Variants in GPHN observed in about 807,000 individuals in gnomAD.
GPHN encodes the protein gephyrin.
A neutral mutation model predicts 95.5 loss-of-function variants in GPHN; 17 were observed. That is an observed-to-expected ratio of 0.18 (90% CI 0.12 to 0.27). The LOEUF (loss-of-function observed/expected upper bound fraction) is 0.27, where lower values mean the gene tolerates loss of function less well. Ranked by LOEUF, GPHN falls within the 10% of genes least tolerant of loss-of-function variation. The probability of loss-of-function intolerance (pLI) is 1.00; values close to 1 mark genes in which losing one functional copy is unlikely to be tolerated. For synonymous variants in GPHN, 320 were observed against 322.5 expected (o/e 0.99, Z 0.08); for missense variants, 660 against 978.1 (o/e 0.67, Z 4.34).
Position 67,159,498 on chromosome 14 carries a change from T to C in GPHN, c.1910+10T>C, listed in dbSNP as rs923445051. 1 of 1,542,214 alleles carries C rather than the reference T, an allele frequency of 6.5e-7. No homozygotes were observed. Among genetic ancestry groups the C allele is most frequent in the Non-Finnish European group, 9.0e-7 (1 of 1,114,510 alleles). ...TTTTTATGAAACCAGGGTATGAAAA[T>C]CATCTTGTTATCTCATATATGGGGT... On this transcript the variant is annotated intron_variant, in intron 19 of 22. Coordinates refer to ENST00000478722, the MANE Select transcript of GPHN (RefSeq NM_020806.5).
At chr14:67,425,909 A>G in the GPHN span, among the ~76,000 whole-genome samples, 1 of 151,656 alleles carries the variant, frequency 6.6e-6, no homozygotes, top group Non-Finnish European at 1.5e-5. Flanking sequence ...TTGTCTCAAA[A>G]AAAAAATTTT....
At chr14:67,601,211 G>T in the GPHN span, among the ~76,000 whole-genome samples, 1 of 152,184 alleles carries the variant, frequency 6.6e-6, no homozygotes, top group African/African-American at 2.4e-5. Flanking sequence ...AGCCAGACAG[G>T]ACTGAAGGAG....
At chr14:67,339,975 G>A in the GPHN span, 2 of 148,216 alleles carry the variant, frequency 1.3e-5, no homozygotes, top group African/African-American at 2.5e-5. Context: ...GGTGACACAT[G>A]AGCCAAGATC....
chr14:66,631,757 T>A (rs1250632781), intron 1 of GPHN, among the ~76,000 whole-genome samples: 1 of 152,154 alleles, frequency 6.6e-6, no homozygotes, highest in Non-Finnish European at 1.5e-5. Flanking sequence ...TATTAGAAAC[T>A]AATTTTTATT....
intron 10 of GPHN, among the ~76,000 whole-genome samples, chr14:67,048,785 G>T (rs78066889): frequency 0.024 from 3,592 of 152,296 alleles, 44 homozygotes; most frequent in Middle Eastern, 0.034. Flanking sequence ...TGAATGCTAT[G>T]ATCTTCTCAG....
chr14:67,406,545 A>AG, the GPHN span, among the ~76,000 whole-genome samples: 3 of 152,148 alleles, frequency 2.0e-5, no homozygotes, highest in Non-Finnish European at 4.4e-5. Context: ...CAAGGTGGCA[A>AG]GGGCTTCAGG....
the GPHN span, among the ~76,000 whole-genome samples, chr14:67,572,651 G>T: frequency 6.6e-6 from 1 of 152,178 alleles, no homozygotes; most frequent in East Asian, 1.9e-4. Context: ...TCCAGGCATT[G>T]TCTCATTTGT....
intron 18 of GPHN, among the ~76,000 whole-genome samples, chr14:67,157,441 T>TA (rs2081661858): frequency 6.6e-6 from 1 of 152,162 alleles, no homozygotes; most frequent in South Asian, 2.1e-4. Context: ...GCTGAGAAGA[T>TA]GACTGAGACT....
intron 2 of GPHN, among the ~76,000 whole-genome samples, chr14:66,723,322 A>G (rs1048083562): frequency 6.6e-6 from 1 of 151,382 alleles, no homozygotes; most frequent in Non-Finnish European, 1.5e-5. Context: ...TATATTTATA[A>G]AAGGTTATAA....
intron 8 of GPHN, among the ~76,000 whole-genome samples, chr14:66,937,785 T>C (rs1291043711): frequency 6.6e-6 from 1 of 152,226 alleles, no homozygotes; most frequent in African/African-American, 2.4e-5. Context: ...CAGATTCTAT[T>C]AGGTTGTTAA....
chr14:67,650,450 T>G, the GPHN span: 1 of 453,824 alleles, frequency 2.2e-6, no homozygotes, highest in Non-Finnish European at 4.0e-6. Flanking sequence ...CGCCTGACAA[T>G]TATGCCTGTT....
At chr14:67,169,102 A>G (rs1262787376) in intron 21 of GPHN, 66 bp downstream of exon 21, 1 of 939,370 alleles carries the variant, frequency 1.1e-6, no homozygotes, top group East Asian at 2.4e-5. Flanking sequence ...ATGATTTCCT[A>G]ACTGTCCAAA....
intron 9 of GPHN, 58 bp from the exon 10 acceptor site, chr14:67,023,575 C>T (rs2073770830): frequency 1.5e-6 from 2 of 1,349,140 alleles, no homozygotes; most frequent in Non-Finnish European, 2.1e-6. Flanking sequence ...ATTAAATATG[C>T]ATATCTGCCT....
At chr14:66,545,617 C>T (rs1303942836) in intron 1 of GPHN, among the ~76,000 whole-genome samples, 1 of 127,888 alleles carries the variant, frequency 7.8e-6, no homozygotes, top group Non-Finnish European at 1.6e-5. Flanking sequence ...GGCTGACCCC[C>T]CCACCTCCCT....
chr14:67,350,028 T>C, the GPHN span, among the ~76,000 whole-genome samples: 1 of 152,254 alleles, frequency 6.6e-6, no homozygotes, highest in Non-Finnish European at 1.5e-5. Flanking sequence ...AGAATAACAA[T>C]GCTTGCCTTA....
At chr14:67,511,122 A>T in the GPHN span, among the ~76,000 whole-genome samples, 2 of 152,262 alleles carry the variant, frequency 1.3e-5, no homozygotes, top group African/African-American at 4.8e-5. Context: ...AGCTCATGTG[A>T]CAGGGGTGCC....
At chr14:67,594,642 A>T in the GPHN span, among the ~76,000 whole-genome samples, 1 of 150,950 alleles carries the variant, frequency 6.6e-6, no homozygotes, top group Non-Finnish European at 1.5e-5. Flanking sequence ...ACAGAGTGAG[A>T]CATCTCAAAA....
chr14:66,597,080 T>G (rs1041486332), intron 1 of GPHN, among the ~76,000 whole-genome samples: 1 of 152,192 alleles, frequency 6.6e-6, no homozygotes, highest in Non-Finnish European at 1.5e-5. Flanking sequence ...ATGGCAGTTA[T>G]GTCTTCTTAG....
At chr14:67,412,107 C>G in the GPHN span, 3 of 1,463,180 alleles carry the variant, frequency 2.1e-6, no homozygotes, top group South Asian at 1.3e-5. Context: ...TTCCCCGCGC[C>G]TCGCGCTCCT....
Sources: allele counts gnomAD v4.1 joint callset (sites outside exome capture counted in the v4.1 genomes callset), GRCh38; gene constraint gnomAD v4.1.1; transcripts MANE v1.5; gene names NCBI Gene and HGNC (gene_info 2026-07-23, HGNC 2026-07-21).